CSMD1: variants seen among roughly 807,000 people sequenced by gnomAD.
The protein encoded by CSMD1 is CUB and Sushi multiple domains 1.
In CSMD1, 213 loss-of-function variants were observed where a neutral mutation model predicts 417.5. The ratio of observed to expected loss-of-function variants is 0.51; its 90% CI spans 0.46 to 0.57. The LOEUF is 0.57. Ranked by LOEUF, CSMD1 falls within the 20% of genes least tolerant of loss-of-function variation. CSMD1 has a pLI of 0.00. For synonymous variants in CSMD1, 2,862 were observed against 1,736.8 expected, an observed-to-expected ratio of 1.65 and a Z score of -16.11; for missense variants, 6,923 against 4,529.7, an observed-to-expected ratio of 1.53 and a Z score of -15.17.
chr8:4,799,479 G>C lies in CSMD1; in HGVS notation c.86-161921C>G, dbSNP rs779620820. ...AGGCGCGTAATGGTGTGTGCCTGTA[G>C]CCCCAGCTACTCTAGAGCCTGGGGC... On this transcript the variant is annotated intron_variant, in intron 1 of 69. Transcript: ENST00000635120. 3.3e-5 allele frequency among the ~76,000 whole-genome samples: 5 copies of C among 151,600 alleles called. No homozygotes were observed. The South Asian group carries it at 8.3e-4, about 25-fold the overall frequency.
intron 3 of CSMD1, among the ~76,000 whole-genome samples, chr8:4,222,107 A>G (rs79594789): frequency 2.6e-5 from 1 of 38,516 alleles, no homozygotes; most frequent in African/African-American, 6.6e-5. Context: ...CAAACCAACA[A>G]AAAAAAAAAA....
intron 18 of CSMD1, among the ~76,000 whole-genome samples, chr8:3,380,234 A>T (rs552381217): frequency 6.6e-5 from 10 of 152,334 alleles, no homozygotes; most frequent in South Asian, 4.1e-4. Flanking sequence ...AAAAGTCAGG[A>T]AACAACAGAT....
chr8:3,070,056 C>A (rs982416450), intron 49 of CSMD1, among the ~76,000 whole-genome samples: 1 of 152,220 alleles, frequency 6.6e-6, no homozygotes, highest in Non-Finnish European at 1.5e-5. Flanking sequence ...GGAGCCAGAA[C>A]AGCCAGTATG....
chr8:2,993,321 C>T (rs987500348), intron 54 of CSMD1, among the ~76,000 whole-genome samples: 1 of 152,144 alleles, frequency 6.6e-6, no homozygotes, highest in South Asian at 2.1e-4. Flanking sequence ...AATCATCCCC[C>T]TTGTTGAAGG....
chr8:4,089,218 G>C (rs937360855), intron 3 of CSMD1, among the ~76,000 whole-genome samples: 3 of 152,116 alleles, frequency 2.0e-5, no homozygotes, highest in Non-Finnish European at 4.4e-5. Flanking sequence ...TTACCTATAA[G>C]CTCCATAAGG....
intron 7 of CSMD1, among the ~76,000 whole-genome samples, chr8:3,626,846 A>C (rs1035414758): frequency 6.7e-6 from 1 of 149,602 alleles, no homozygotes; most frequent in African/African-American, 2.4e-5. Context: ...AATATATACA[A>C]TAAATAAGTG....
intron 1 of CSMD1, among the ~76,000 whole-genome samples, chr8:4,762,994 A>C (rs1276566484): frequency 6.6e-6 from 1 of 152,156 alleles, no homozygotes; most frequent in Non-Finnish European, 1.5e-5. Context: ...CAGATAAGGA[A>C]GCCCTCTGCA....
chr8:4,815,968 A>G (rs1399669033), intron 1 of CSMD1, among the ~76,000 whole-genome samples: 1 of 152,068 alleles, frequency 6.6e-6, no homozygotes, highest in African/African-American at 2.4e-5. Flanking sequence ...AAACGGAAAA[A>G]TGAGAAAGGC....
chr8:3,924,128 C>T (rs1224943999), intron 5 of CSMD1, among the ~76,000 whole-genome samples: 1 of 152,182 alleles, frequency 6.6e-6, no homozygotes, highest in Non-Finnish European at 1.5e-5. Flanking sequence ...AAATCTGTAT[C>T]TCTCCATTTA....
chr8:4,068,895 G>C (rs1319278234), intron 3 of CSMD1, among the ~76,000 whole-genome samples: 1 of 151,972 alleles, frequency 6.6e-6, no homozygotes, highest in Non-Finnish European at 1.5e-5. Flanking sequence ...GTAAAAATAT[G>C]GTTATAATAA....
At chr8:4,684,069 C>T (rs1265401401) in intron 1 of CSMD1, among the ~76,000 whole-genome samples, 1 of 152,062 alleles carries the variant, frequency 6.6e-6, no homozygotes, top group Non-Finnish European at 1.5e-5. Context: ...TTTAGAAGAA[C>T]ATTTAAAAAT....
intron 3 of CSMD1, among the ~76,000 whole-genome samples, chr8:4,121,366 T>C (rs1293211099): frequency 6.6e-6 from 1 of 152,078 alleles, no homozygotes; most frequent in African/African-American, 2.4e-5. Context: ...CCACCCACCT[T>C]GGCCTCCCAA....
chr8:4,950,480 G>A (rs528976460), intron 1 of CSMD1, among the ~76,000 whole-genome samples: 1 of 152,060 alleles, frequency 6.6e-6, no homozygotes, highest in East Asian at 1.9e-4. Flanking sequence ...AATAGGATAA[G>A]AAATAAATCA....
intron 26 of CSMD1, among the ~76,000 whole-genome samples, chr8:3,266,085 G>C (rs1801409146): frequency 6.6e-6 from 1 of 151,722 alleles, no homozygotes; most frequent in South Asian, 2.1e-4. Flanking sequence ...CCATGTCCAT[G>C]CCTGGGGGAA....
chr8:4,284,533 C>T (rs561516131), intron 3 of CSMD1, among the ~76,000 whole-genome samples: 39 of 152,208 alleles, frequency 2.6e-4, no homozygotes, highest in East Asian at 2.3e-3. Context: ...GGTTCTTGCG[C>T]GACACACTTG....
intron 3 of CSMD1, among the ~76,000 whole-genome samples, chr8:4,207,880 T>A (rs1474466206): frequency 1.3e-5 from 2 of 152,132 alleles, no homozygotes; most frequent in African/African-American, 4.8e-5. Context: ...GTGGAGAAAT[T>A]AGTCCTCATG....
At chr8:4,092,599 A>G (rs1800778755) in intron 3 of CSMD1, among the ~76,000 whole-genome samples, 1 of 152,232 alleles carries the variant, frequency 6.6e-6, no homozygotes, top group Non-Finnish European at 1.5e-5. Context: ...TTAGCATATC[A>G]TCTTAAGCAA....
chr8:4,310,014 A>C (rs529265429), intron 3 of CSMD1, among the ~76,000 whole-genome samples: 17 of 152,276 alleles, frequency 1.1e-4, no homozygotes, highest in Admixed American at 6.5e-4. Flanking sequence ...AAACACGCTA[A>C]AAGGTATGAA....
At chr8:4,622,675 C>A (rs890624931) in intron 2 of CSMD1, among the ~76,000 whole-genome samples, 9 of 152,138 alleles carry the variant, frequency 5.9e-5, no homozygotes, top group African/African-American at 1.7e-4. Context: ...GTACAAAAGA[C>A]ATTGTGGATG....
Sources: allele counts gnomAD v4.1 joint callset (sites outside exome capture counted in the v4.1 genomes callset), GRCh38; gene constraint gnomAD v4.1.1; transcripts MANE v1.5; gene names NCBI Gene and HGNC (gene_info 2026-07-23, HGNC 2026-07-21).